The following IQSEC1 variants were observed in gnomAD, a reference collection of about 807,000 sequenced individuals.
IQSEC1 encodes IQ motif and Sec7 domain ArfGEF 1.
In IQSEC1, 31 loss-of-function variants were observed where a neutral mutation model predicts 91.0. That is an observed-to-expected ratio of 0.34 (90% CI 0.26 to 0.46). The LOEUF is 0.46. IQSEC1 is among the 20% of genes least tolerant of loss of function. IQSEC1 has a pLI of 1.00. For missense variants in IQSEC1, 1,388 were observed against 1,575.6 expected (o/e 0.88, Z 2.02); for synonymous variants, 699 against 662.6 (o/e 1.05, Z -0.84).
At position 12,970,251 on chromosome 3, in the gene IQSEC1, G is replaced by A. The variant is rs1229035476; in HGVS notation, c.24-28386C>T. 6.6e-6 allele frequency among the ~76,000 whole-genome samples: 1 copy of A among 152,214 alleles called. No individual in the cohort carries two copies. The highest frequency in any genetic ancestry group is 2.4e-5 in the African/African-American group (1 of 41,444). On this transcript the variant is annotated intron_variant, in intron 1 of 13. Transcript: ENST00000613206. The surrounding 1 kb of genome is among the most constrained non-coding windows in gnomAD (Gnocchi z 4.4). ...GTCGTGACAGTGGAGGAAAGAGCTT[G>A]TAATTCTGCCCCAGGAGAGGCTCTA...
At chr3:12,901,582 G>T in intron 13 of IQSEC1, 60 bp from the exon 14 acceptor site, 2 of 1,374,764 alleles carry the variant, frequency 1.5e-6, no homozygotes, top group South Asian at 1.3e-5. Flanking sequence ...AGGTCAGAAT[G>T]ATTTTTTTTT....
At chr3:13,039,833 AG>A (rs1704184203) in intron 1 of IQSEC1, among the ~76,000 whole-genome samples, 1 of 152,194 alleles carries the variant, frequency 6.6e-6, no homozygotes, top group South Asian at 2.1e-4. Flanking sequence ...GTCATTTGCC[AG>A]GGTGGACAGA....
At chr3:13,099,710 C>T (rs866355365) in intron 2 of IQSEC1, among the ~76,000 whole-genome samples, 11 of 152,338 alleles carry the variant, frequency 7.2e-5, no homozygotes, top group African/African-American at 1.4e-4. Flanking sequence ...CCCTACTCCC[C>T]GCCAACCCGG....
intron 1 of IQSEC1, among the ~76,000 whole-genome samples, chr3:13,264,254 C>T (rs904410923): frequency 6.6e-6 from 1 of 152,202 alleles, no homozygotes; most frequent in African/African-American, 2.4e-5. Flanking sequence ...CACAACTTCC[C>T]TCCAAACTTA....
intron 1 of IQSEC1, among the ~76,000 whole-genome samples, chr3:13,032,393 G>C (rs897005754): frequency 6.6e-6 from 1 of 152,314 alleles, no homozygotes; most frequent in South Asian, 2.1e-4. Flanking sequence ...AGGGCGGCAC[G>C]GGGAAGGCTG....
chr3:13,041,449 G>T (rs1704264711), intron 1 of IQSEC1, among the ~76,000 whole-genome samples: 1 of 152,202 alleles, frequency 6.6e-6, no homozygotes, highest in East Asian at 1.9e-4. Context: ...TCCCAGAATT[G>T]CTCGTATGCT....
intron 2 of IQSEC1, among the ~76,000 whole-genome samples, chr3:13,150,825 C>A (rs991879877): frequency 2.6e-5 from 4 of 152,212 alleles, no homozygotes; most frequent in Non-Finnish European, 4.4e-5. Context: ...TGCTGTACTG[C>A]GTAAGACAGG....
At chr3:13,031,474 G>A (rs1337283061) in intron 1 of IQSEC1, among the ~76,000 whole-genome samples, 1 of 152,234 alleles carries the variant, frequency 6.6e-6, no homozygotes, top group East Asian at 1.9e-4. Context: ...CCACAGTGGG[G>A]CAAGACAGTG....
intron 1 of IQSEC1, chr3:13,022,451 C>T: frequency 9.8e-7 from 1 of 1,021,010 alleles, no homozygotes; most frequent in Non-Finnish European, 1.2e-6. Flanking sequence ...GCAGTGGCTG[C>T]AGGCCAGGGG....
intron 1 of IQSEC1, among the ~76,000 whole-genome samples, chr3:13,240,813 G>A (rs1045601833): frequency 6.6e-6 from 1 of 152,322 alleles, no homozygotes; most frequent in East Asian, 1.9e-4. Context: ...GCAGGCAGAG[G>A]AGATGATAAA....
chr3:13,114,840 G>A (rs955226793), intron 2 of IQSEC1, among the ~76,000 whole-genome samples: 1 of 151,674 alleles, frequency 6.6e-6, no homozygotes, highest in African/African-American at 2.4e-5. Flanking sequence ...TTGGAAGGAC[G>A]ATGGGTGACG....
intron 2 of IQSEC1, among the ~76,000 whole-genome samples, chr3:13,094,067 G>T (rs1276828676): frequency 6.6e-6 from 1 of 152,178 alleles, no homozygotes; most frequent in Non-Finnish European, 1.5e-5. Flanking sequence ...TATACTGTAA[G>T]AGCAAACCTT....
intron 2 of IQSEC1, among the ~76,000 whole-genome samples, chr3:13,141,111 T>C (rs962430931): frequency 6.6e-6 from 1 of 152,266 alleles, no homozygotes; most frequent in Non-Finnish European, 1.5e-5. Context: ...ATCCGCTGAC[T>C]ATGTTTTCCA....
intron 1 of IQSEC1, among the ~76,000 whole-genome samples, chr3:13,202,357 A>G (rs1240717962): frequency 6.6e-6 from 1 of 152,224 alleles, no homozygotes; most frequent in African/African-American, 2.4e-5. Context: ...GTACATCCAC[A>G]TGAATAGCAG....
intron 1 of IQSEC1, among the ~76,000 whole-genome samples, chr3:13,180,254 T>A (rs990976235): frequency 2.0e-5 from 3 of 152,208 alleles, no homozygotes; most frequent in Non-Finnish European, 4.4e-5. Context: ...ACTCTGTATC[T>A]AGCTCAAGGT....
chr3:13,230,047 T>C (rs901387773), intron 1 of IQSEC1, among the ~76,000 whole-genome samples: 1 of 152,144 alleles, frequency 6.6e-6, no homozygotes, highest in Non-Finnish European at 1.5e-5. Flanking sequence ...AAGATAAAAA[T>C]AGAAAGTATA....
chr3:13,183,862 A>G (rs76641639), intron 1 of IQSEC1, among the ~76,000 whole-genome samples: 2,402 of 152,046 alleles, frequency 0.016, 56 homozygotes, highest in African/African-American at 0.054. Flanking sequence ...GCCGACAAAT[A>G]AGGAAAGAGC....
intron 1 of IQSEC1, among the ~76,000 whole-genome samples, chr3:12,969,214 C>T (rs771202240): frequency 7.2e-5 from 11 of 152,102 alleles, no homozygotes; most frequent in Non-Finnish European, 1.5e-4. Flanking sequence ...ACATAAAGAA[C>T]GCTCACAATT....
chr3:13,069,734 A>G (rs754037138), intron 1 of IQSEC1, among the ~76,000 whole-genome samples: 18 of 152,316 alleles, frequency 1.2e-4, no homozygotes, highest in Admixed American at 3.9e-4. Flanking sequence ...AGGATGTGAC[A>G]TGCCCATGAG....
Sources: allele counts gnomAD v4.1 joint callset (sites outside exome capture counted in the v4.1 genomes callset), GRCh38; gene constraint gnomAD v4.1.1; non-coding constraint Gnocchi (gnomAD v3.1); transcripts MANE v1.5; gene names NCBI Gene and HGNC (gene_info 2026-07-23, HGNC 2026-07-21).